PDE1C: variants seen among roughly 807,000 people sequenced by gnomAD.
The protein encoded by PDE1C is phosphodiesterase 1C, also known as dual specificity calcium/calmodulin-dependent 3',5'-cyclic nucleotide phosphodiesterase 1C.
PDE1C carries 62 observed loss-of-function variants against 93.1 expected under a neutral mutation model. The observed-to-expected ratio is 0.67, with a 90% confidence interval of 0.54 to 0.82. The LOEUF is 0.82. Ranked by LOEUF, PDE1C falls within the 40% of genes least tolerant of loss-of-function variation. PDE1C has a pLI of 0.00. For missense variants in PDE1C, 742 were observed against 884.6 expected, an observed-to-expected ratio of 0.84 and a Z score of 2.04; for synonymous variants, 325 against 310.1, an observed-to-expected ratio of 1.05 and a Z score of -0.50.
chr7:32,326,223 G>A (rs1471568105), intron 1 of PDE1C, among the ~76,000 whole-genome samples: 21 of 152,214 alleles, frequency 1.4e-4, no homozygotes, highest in Admixed American at 1.4e-3. Flanking sequence ...GACAACCATA[G>A]ATTAGACTCT....
chr7:31,700,579 A>T, the PDE1C span, among the ~76,000 whole-genome samples: 1 of 152,228 alleles, frequency 6.6e-6, no homozygotes, highest in African/African-American at 2.4e-5. Context: ...TACACTAAAC[A>T]ATAGTTTCTT....
chr7:32,295,872 TGA>T (rs540259289), intron 1 of PDE1C, among the ~76,000 whole-genome samples: 127 of 120,608 alleles, frequency 1.1e-3, no homozygotes, highest in African/African-American at 3.9e-3. Context: ...CCAGCCCGGG[TGA>T]GAGAGCGAGA....
chr7:32,060,991 G>A (rs1794736128), intron 1 of PDE1C, among the ~76,000 whole-genome samples: 1 of 152,182 alleles, frequency 6.6e-6, no homozygotes, highest in African/African-American at 2.4e-5. Flanking sequence ...GTGGCAGGAT[G>A]TCAGTCGGAA....
At chr7:31,634,884 T>C in the PDE1C span, among the ~76,000 whole-genome samples, 3 of 152,110 alleles carry the variant, frequency 2.0e-5, no homozygotes, top group Admixed American at 2.0e-4. Context: ...TTCGGCATAT[T>C]GAGTGCCTAG....
At chr7:31,933,592 G>A (rs764395979) in intron 2 of PDE1C, among the ~76,000 whole-genome samples, 1 of 152,202 alleles carries the variant, frequency 6.6e-6, no homozygotes, top group African/African-American at 2.4e-5. Context: ...ACTCGTCCCT[G>A]CCCAGCTCTC....
chr7:32,181,602 G>C (rs977262048), intron 2 of PDE1C, among the ~76,000 whole-genome samples: 1 of 151,902 alleles, frequency 6.6e-6, no homozygotes, highest in Non-Finnish European at 1.5e-5. Context: ...TGAAACCAAC[G>C]AGAACAAAGA....
chr7:31,811,701 C>G (rs887276244), intron 15 of PDE1C, among the ~76,000 whole-genome samples: 3 of 152,024 alleles, frequency 2.0e-5, no homozygotes, highest in Non-Finnish European at 4.4e-5. Flanking sequence ...ACAGCAACAC[C>G]AGGATGTCTT....
chr7:32,103,904 G>C lies in PDE1C; in HGVS notation c.308+65881C>G, dbSNP rs150702907. 2.4e-3 allele frequency among the ~76,000 whole-genome samples: 366 copies of C among 152,132 alleles called. 9 individuals carry two copies. Among genetic ancestry groups the C allele is most frequent in the Admixed American group, 0.023 (355 of 15,276 alleles). The stretch of plus-strand genomic sequence containing the variant: ...GGAGAAGAGAATGAGAGAGCTATTA[G>C]AAACGAAAAGTACATTAGAAGAAAT... On this transcript the variant is annotated intron_variant, in intron 3 of 18. Coordinates refer to the PDE1C transcript ENST00000396193.
intron 2 of PDE1C, among the ~76,000 whole-genome samples, chr7:32,045,049 C>T (rs1222487311): frequency 1.4e-5 from 2 of 147,618 alleles, no homozygotes; most frequent in Non-Finnish European, 1.5e-5. Flanking sequence ...CACCTGTGCC[C>T]TGCCCCCCTC....
At chr7:31,908,497 T>C (rs183442866) in intron 2 of PDE1C, among the ~76,000 whole-genome samples, 67 of 152,290 alleles carry the variant, frequency 4.4e-4, no homozygotes, top group South Asian at 8.3e-4. Context: ...CATGGTCAGT[T>C]TGAATGCCTT....
At chr7:32,375,948 G>T (rs547747632) in intron 1 of PDE1C, among the ~76,000 whole-genome samples, 4 of 152,324 alleles carry the variant, frequency 2.6e-5, no homozygotes, top group African/African-American at 7.2e-5. Context: ...TTTGAGGTCA[G>T]GAGTTTGAGA....
In PDE1C at chr7:31,992,202, T is replaced by C. The variant is rs372604435; in HGVS notation, c.128+59352A>G. On this transcript the variant is annotated intron_variant, in intron 2 of 17. Coordinates refer to ENST00000396191, the MANE Select transcript of PDE1C (RefSeq NM_001191057.4). ...AGGATATCCTGGGTATGAGCAAGCA[T>C]AGGAGTGAAACACTTCCTGTGTGTG... Among the ~76,000 whole-genome samples, 12 of 152,320 alleles carry C rather than the reference T, an allele frequency of 7.9e-5. 3 individuals carry two copies. Among genetic ancestry groups the C allele is most frequent in the Non-Finnish European group, 1.5e-5 (1 of 68,030 alleles).
chr7:32,269,396 T>A (rs1810813886), intron 1 of PDE1C, among the ~76,000 whole-genome samples: 1 of 152,208 alleles, frequency 6.6e-6, no homozygotes, highest in African/African-American at 2.4e-5. Context: ...AAAATGATGA[T>A]GTGAATCTGT....
At chr7:32,072,651 T>C (rs565943970), upstream of PDE1C, among the ~76,000 whole-genome samples, 1 of 152,354 alleles carries the variant, frequency 6.6e-6, no homozygotes, top group African/African-American at 2.4e-5. Context: ...AAACTTTCCA[T>C]AGCCCAAGCA....
chr7:32,233,159 T>C (rs1807827294), intron 1 of PDE1C, among the ~76,000 whole-genome samples: 1 of 152,094 alleles, frequency 6.6e-6, no homozygotes, highest in Non-Finnish European at 1.5e-5. Flanking sequence ...GCAATCACTC[T>C]TGAAACGGAT....
At chr7:32,181,815 G>A (rs1803455074) in intron 2 of PDE1C, among the ~76,000 whole-genome samples, 1 of 152,132 alleles carries the variant, frequency 6.6e-6, no homozygotes, top group Non-Finnish European at 1.5e-5. Context: ...AGAACTGAAG[G>A]AAATAGAGAC....
chr7:32,207,094 G>C (rs1702833642), intron 2 of PDE1C, among the ~76,000 whole-genome samples: 1 of 152,108 alleles, frequency 6.6e-6, no homozygotes. Flanking sequence ...GATGGGGCAG[G>C]GGTGGTGAAG....
the PDE1C span, among the ~76,000 whole-genome samples, chr7:31,741,207 TATA>T: frequency 6.6e-6 from 1 of 152,232 alleles, no homozygotes. Context: ...TATTTTTCTT[TATA>T]TTTTATCTTT....
intron 1 of PDE1C, among the ~76,000 whole-genome samples, chr7:32,412,309 A>G (rs1785186224): frequency 1.3e-5 from 2 of 152,034 alleles, no homozygotes; most frequent in Admixed American, 1.3e-4. Flanking sequence ...TACAAAAATT[A>G]GCCAGGCATG....
Sources: allele counts gnomAD v4.1 joint callset (sites outside exome capture counted in the v4.1 genomes callset), GRCh38; gene constraint gnomAD v4.1.1; transcripts MANE v1.5; gene names NCBI Gene and HGNC (gene_info 2026-07-23, HGNC 2026-07-21).